CCNH: variants seen among roughly 807,000 people sequenced by gnomAD.
The protein encoded by CCNH is cyclin H, also known as cyclin-H.
A neutral mutation model predicts 41.9 loss-of-function variants in CCNH; 31 were observed. That is an observed-to-expected ratio of 0.74 (90% confidence interval 0.56 to 1.00). The LOEUF (loss-of-function observed/expected upper bound fraction) is 1.00. Among genes scored for constraint, CCNH ranks in the 50% least tolerant of loss-of-function variants. CCNH has a pLI of 0.00. For synonymous variants in CCNH, 138 were observed against 136.1 expected (o/e 1.01, Z -0.10); for missense variants, 362 against 388.4 (o/e 0.93, Z 0.57).
At chr5:87,387,288 C>G (rs1062035), downstream of CCNH, among the ~76,000 whole-genome samples, 19,460 of 152,046 alleles carry the variant, frequency 0.13, 1,589 homozygotes, top group South Asian at 0.27. Context: ...CAGTTCTGAC[C>G]AGGTTAAATA....
chr5:87,323,134 A>T (rs767877514), intron 9 of CCNH, among the ~76,000 whole-genome samples: 7 of 152,224 alleles, frequency 4.6e-5, no homozygotes, highest in African/African-American at 4.8e-5. Flanking sequence ...GAATAAATAC[A>T]GAAATGGAAA....
chr5:87,315,794 TC>T (rs1756286211), downstream of CCNH, among the ~76,000 whole-genome samples: 1 of 152,178 alleles, frequency 6.6e-6, no homozygotes, highest in South Asian at 2.1e-4. Flanking sequence ...ATTAAATACT[TC>T]CTAGGAATTA....
intron 9 of CCNH, among the ~76,000 whole-genome samples, chr5:87,348,591 C>A (rs989774342): frequency 6.6e-6 from 1 of 151,468 alleles, no homozygotes; most frequent in Non-Finnish European, 1.5e-5. Context: ...TTTGAATCTA[C>A]CTTTATAAAA....
At chr5:87,406,258 C>A (rs192776363) in intron 4 of CCNH, among the ~76,000 whole-genome samples, 9 of 152,182 alleles carry the variant, frequency 5.9e-5, no homozygotes, top group South Asian at 2.1e-4. Context: ...AATCCCATGC[C>A]AACCCCCTTC....
intron 5 of CCNH, among the ~76,000 whole-genome samples, chr5:87,403,299 G>A (rs2112565843): frequency 6.6e-6 from 1 of 150,964 alleles, no homozygotes; most frequent in East Asian, 2.0e-4. Flanking sequence ...TTTGCAAGGA[G>A]CCAAAGGTAT....
At chr5:87,338,400 C>T (rs1297863385) in intron 9 of CCNH, among the ~76,000 whole-genome samples, 4 of 149,256 alleles carry the variant, frequency 2.7e-5, no homozygotes, top group East Asian at 2.0e-4. Context: ...GGCGTGATCT[C>T]GGCTCACTGC....
intron 9 of CCNH, chr5:87,330,803 C>G: frequency 2.1e-6 from 1 of 483,278 alleles, no homozygotes; most frequent in Non-Finnish European, 3.4e-6. Context: ...AGTAGATTAT[C>G]TTAGAGCCAA....
intron 8 of CCNH, 121 bp downstream of exon 8, chr5:87,394,923 A>C: frequency 1.9e-6 from 3 of 1,544,990 alleles, no homozygotes; most frequent in Non-Finnish European, 2.6e-6. Context: ...AAGTATGCAA[A>C]AAATGAAAAA....
downstream of CCNH, chr5:87,390,905 G>C (rs571819598): frequency 5.7e-6 from 9 of 1,584,098 alleles, no homozygotes; most frequent in African/African-American, 9.4e-5. Context: ...CCAGTGTTCT[G>C]CATGGATTCA....
At chr5:87,376,292 AT>A in exon 1 of CCNH, 3 of 1,377,530 alleles carry the variant, frequency 2.2e-6, no homozygotes, top group Middle Eastern at 2.2e-4. Flanking sequence ...AATGAAAAGC[AT>A]TTAACACCAT....
At chr5:87,396,246 G>C (rs1366913457) in intron 7 of CCNH, among the ~76,000 whole-genome samples, 1 of 151,700 alleles carries the variant, frequency 6.6e-6, no homozygotes, top group African/African-American at 2.4e-5. Flanking sequence ...TGTGGATTGT[G>C]GTTATGAGCA....
At chr5:87,379,321 T>G (rs1761542888), upstream of CCNH, among the ~76,000 whole-genome samples, 1 of 152,148 alleles carries the variant, frequency 6.6e-6, no homozygotes, top group Non-Finnish European at 1.5e-5. Context: ...GCTACGGAAT[T>G]CCGACTTCCA....
chr5:87,391,102 A>C, downstream of CCNH: 1 of 625,328 alleles, frequency 1.6e-6, no homozygotes, highest in East Asian at 2.7e-5. Flanking sequence ...TTCCACATGG[A>C]ATCAATCTTT....
chr5:87,362,763 G>A (rs2112458031), intron 9 of CCNH: 1 of 1,445,754 alleles, frequency 6.9e-7, no homozygotes, highest in Non-Finnish European at 9.6e-7. Context: ...AATAAGTTTT[G>A]ACATGAGTTA....
intron 5 of CCNH, among the ~76,000 whole-genome samples, chr5:87,404,358 T>A (rs1763636162): frequency 6.6e-6 from 1 of 152,228 alleles, no homozygotes; most frequent in African/African-American, 2.4e-5. Flanking sequence ...TTTATCATCT[T>A]TCTTCCTCAG....
intron 9 of CCNH, chr5:87,362,699 A>T (rs747337233): frequency 3.1e-6 from 5 of 1,594,230 alleles, no homozygotes. Context: ...TCATTAACCC[A>T]TTTGATAGAG....
intron 9 of CCNH, among the ~76,000 whole-genome samples, chr5:87,366,169 T>G (rs1169654398): frequency 6.6e-6 from 1 of 152,174 alleles, no homozygotes; most frequent in African/African-American, 2.4e-5. Flanking sequence ...GATATGTGTC[T>G]TGACAGTTTA....
chr5:87,412,697 T>C lies in CCNH; in HGVS notation c.98A>G (p.Lys33Arg). ...CCTCACCTTCCCGTTGGCCACGGCT[T>C]TGCATCTGAATTTGCGGTTGGCGTC... is the stretch of plus-strand genomic sequence containing the variant. ...RADANRKFRCKAVANGKVLPN... is the reference protein window; with the variant it reads ...RADANRKFRCRAVANGKVLPN... Residue 33 changes from lysine to arginine, a missense_variant, in exon 1 of 9, where the codon AAA becomes AGA. By Grantham distance (26) the Lys-to-Arg change is conservative (BLOSUM62 2). Transcript: ENST00000256897. 6.2e-7 allele frequency: 1 copy of C among 1,614,122 alleles called. No individual in the cohort carries two copies. The highest frequency in any genetic ancestry group is 8.5e-7 in the Non-Finnish European group (1 of 1,179,986).
chr5:87,311,915 G>C, the CCNH span, among the ~76,000 whole-genome samples: 1 of 152,178 alleles, frequency 6.6e-6, no homozygotes, highest in African/African-American at 2.4e-5. Context: ...CCTTGGGTGG[G>C]CAAGGGCCAA....
Sources: allele counts gnomAD v4.1 joint callset (sites outside exome capture counted in the v4.1 genomes callset), GRCh38; gene constraint gnomAD v4.1.1; transcripts MANE v1.5; gene names NCBI Gene and HGNC (gene_info 2026-07-23, HGNC 2026-07-21).